Variants in GTF2H1 observed in about 807,000 individuals in gnomAD.
The protein encoded by GTF2H1 is general transcription factor IIH subunit 1.
GTF2H1 carries 16 observed loss-of-function variants against 71.2 expected under a neutral mutation model. The ratio of observed to expected loss-of-function variants is 0.22; its 90% CI spans 0.15 to 0.34. The LOEUF (loss-of-function observed/expected upper bound fraction) is 0.34, where lower values mean the gene tolerates loss of function less well. GTF2H1 is among the 10% of genes least tolerant of loss of function. The probability of loss-of-function intolerance (pLI) is 1.00; values close to 1 mark genes in which losing one functional copy is unlikely to be tolerated. For synonymous variants in GTF2H1, 215 were observed against 219.0 expected (o/e 0.98, Z 0.16); for missense variants, 498 against 648.2 (o/e 0.77, Z 2.52).
Position 18,335,810 on chromosome 11 carries a change from G to T in GTF2H1, c.211G>T (p.Ala71Ser). The change falls in exon 3 of 15, where the codon GCA (alanine) becomes TCA (serine). Residue 71 changes from alanine to serine, a missense_variant. Transcript: ENST00000265963. ...AATTCAGCTTCAGCTGGTCCTACAT[G>T]CAGGGGACACAACTAACTTCCATTT... ...AKIQLQLVLH[A>S]GDTTNFHFSN... The T allele has an allele frequency of 6.2e-7, 1 of 1,614,056 alleles. No homozygotes were observed. Among genetic ancestry groups the T allele is most frequent in the Non-Finnish European group, 8.5e-7 (1 of 1,179,918 alleles).
rs374491687 is a variant in GTF2H1 at position 18,325,901 on chromosome 11, T to C, written c.-16+3161T>C. ...TCTTCATTGACCTGATCTGTTTAAA[T>C]GTAGCCTACACCAATAACTTTCATA... On this transcript the variant is annotated intron_variant, in intron 1 of 14. Coordinates refer to ENST00000265963, the MANE Select transcript of GTF2H1 (RefSeq NM_005316.4). 14 of 152,362 alleles carry C rather than the reference T, an allele frequency of 9.2e-5. No homozygotes were observed. In the East Asian group the frequency reaches 1.3e-3, roughly 15 times the overall value. 9.4% of individuals were successfully genotyped at this position (152,362 alleles called of 1,614,324 possible).
chr11:18,352,306 ATTTC>A lies in GTF2H1; in HGVS notation c.1143-20_1143-17del. 9.7e-7 allele frequency: 1 copy of A among 1,030,008 alleles called. No individual in the cohort carries two copies. The highest frequency in any genetic ancestry group is 1.5e-6 in the Non-Finnish European group (1 of 656,248). The allele number at this position is 1,030,008 out of a possible 1,614,324, so 63.8% of individuals were successfully genotyped here. Reference sequence around the variant, plus strand: ...GCATCTTTACTGTGTGTGATTAGTAATTTCTTCTGTGCTAACCTGCAGGTATTAT... The same window carrying A: ...GCATCTTTACTGTGTGTGATTAGTAATTCTGTGCTAACCTGCAGGTATTAT... On this transcript the variant is annotated intron_variant, in intron 10 of 14. Transcript: ENST00000265963.
At chr11:18,361,849 G>A (rs1045290463) in intron 14 of GTF2H1, among the ~76,000 whole-genome samples, 1 of 152,230 alleles carries the variant, frequency 6.6e-6, no homozygotes, top group Non-Finnish European at 1.5e-5. Context: ...ATTGTTTACA[G>A]TGGGGAAAGT....
intron 2 of GTF2H1, chr11:18,333,591 G>C (rs1442983032): frequency 6.2e-6 from 1 of 160,122 alleles, no homozygotes; most frequent in Non-Finnish European, 1.4e-5. Context: ...ATCATTTCAA[G>C]GTTGTATGTG....
chr11:18,343,343 T>A (rs952864762), intron 7 of GTF2H1, among the ~76,000 whole-genome samples: 10 of 152,254 alleles, frequency 6.6e-5, no homozygotes, highest in African/African-American at 2.4e-4. Flanking sequence ...ATAGGCATTA[T>A]TGTTGTTATC....
At chr11:18,338,001 A>G in intron 3 of GTF2H1, 108 bp from the exon 4 acceptor site, 1 of 692,932 alleles carries the variant, frequency 1.4e-6, no homozygotes. Context: ...ATCACAAAAT[A>G]AAAGTTGTGT....
chr11:18,356,208 T>C (rs528230072), intron 11 of GTF2H1, among the ~76,000 whole-genome samples: 19 of 151,996 alleles, frequency 1.3e-4, no homozygotes, highest in African/African-American at 4.6e-4. Context: ...CAAAACCCCG[T>C]CTCTACCAAA....
At position 18,358,560 on chromosome 11, in the gene GTF2H1, C is replaced by G. The variant is rs1200999263; in HGVS notation, c.1387C>G (p.His463Asp). ...VPNDIQSELK[H>D]LYVAVGELLR... Reference sequence around the variant, plus strand: ...AAATGATATTCAATCTGAATTGAAACACTTATATGTAGCTGTTGGAGAACT... The same window carrying G: ...AAATGATATTCAATCTGAATTGAAAGACTTATATGTAGCTGTTGGAGAACT... Residue 463 changes from histidine (H) to aspartate (D), a missense_variant, in exon 13 of 15, where the codon CAC becomes GAC. His to Asp is a moderately conservative substitution (Grantham distance 81, BLOSUM62 -1). This residue lies in a region of GTF2H1 where 266 missense variants were observed against 301.6 expected (regional missense o/e 0.88). Transcript: ENST00000265963. 1 of 1,611,152 alleles carries G rather than the reference C, an allele frequency of 6.2e-7. No individual in the cohort carries two copies. The highest frequency in any genetic ancestry group is 8.5e-7 in the Non-Finnish European group (1 of 1,177,520).
At chr11:18,365,502 C>G (rs192320634) in intron 14 of GTF2H1, among the ~76,000 whole-genome samples, 1 of 152,172 alleles carries the variant, frequency 6.6e-6, no homozygotes, top group African/African-American at 2.4e-5. Context: ...GGAATTGAGG[C>G]CTGGAGCACA....
chr11:18,341,232 A>G, intron 5 of GTF2H1, 29 bp from the exon 6 acceptor site: 2 of 1,580,530 alleles, frequency 1.3e-6, no homozygotes, highest in Non-Finnish European at 8.6e-7. Context: ...GAAATTCAGT[A>G]TATAATATTT....
intron 2 of GTF2H1, among the ~76,000 whole-genome samples, chr11:18,334,068 C>A (rs1398013683): frequency 6.6e-6 from 1 of 152,116 alleles, no homozygotes; most frequent in African/African-American, 2.4e-5. Context: ...ATGGTGGAAC[C>A]CCATTTCTAC....
intron 2 of GTF2H1, 35 bp from the exon 3 acceptor site, chr11:18,335,719 T>C: frequency 6.8e-7 from 1 of 1,469,456 alleles, no homozygotes; most frequent in Non-Finnish European, 9.5e-7. Flanking sequence ...ACAGTGTGAG[T>C]GTCATCATCT....
chr11:18,345,173 A>C (rs1865260076), intron 7 of GTF2H1, among the ~76,000 whole-genome samples: 1 of 152,148 alleles, frequency 6.6e-6, no homozygotes, highest in African/African-American at 2.4e-5. Flanking sequence ...CCTGGGCAAC[A>C]GAGCGAGAAC....
At chr11:18,357,420 A>G (rs1415947718) in intron 11 of GTF2H1, among the ~76,000 whole-genome samples, 1 of 152,056 alleles carries the variant, frequency 6.6e-6, no homozygotes, top group Non-Finnish European at 1.5e-5. Context: ...TATCAAGGGT[A>G]TATGTTAGCA....
chr11:18,336,419 C>G (rs182769482), intron 3 of GTF2H1, among the ~76,000 whole-genome samples: 1 of 152,080 alleles, frequency 6.6e-6, no homozygotes, highest in Non-Finnish European at 1.5e-5. Flanking sequence ...TGAGCCACCA[C>G]GCCCGGCCAC....
In GTF2H1 at chr11:18,365,770, C is replaced by T; in HGVS notation, c.1561-13C>T. 1 of 1,592,324 alleles carries T rather than the reference C, an allele frequency of 6.3e-7. No homozygotes were observed. Among genetic ancestry groups the T allele is most frequent in the Non-Finnish European group, 8.6e-7 (1 of 1,160,218 alleles). On this transcript the variant is annotated splice_polypyrimidine_tract_variant and intron_variant, in intron 14 of 14. Coordinates refer to ENST00000265963, the MANE Select transcript of GTF2H1 (RefSeq NM_005316.4). ...TTTTGCCCAGTTGTTAAGTGTCTTG[C>T]TGTGTTTTTCAGTTGGTAAGTCACA... is the stretch of plus-strand genomic sequence containing the variant.
At chr11:18,340,317 T>G (rs1434695975) in intron 5 of GTF2H1, among the ~76,000 whole-genome samples, 1 of 152,018 alleles carries the variant, frequency 6.6e-6, no homozygotes, top group Non-Finnish European at 1.5e-5. Flanking sequence ...AGACAGAGTC[T>G]TGCTCTGTCA....
At chr11:18,362,068 T>A (rs1313777892) in intron 14 of GTF2H1, among the ~76,000 whole-genome samples, 2 of 152,260 alleles carry the variant, frequency 1.3e-5, no homozygotes, top group African/African-American at 2.4e-5. Context: ...TTTTGTTGTA[T>A]GAACCTCACA....
chr11:18,335,730 A>C (rs754138435), intron 2 of GTF2H1, 24 bp from the exon 3 acceptor site: 1 of 1,575,860 alleles, frequency 6.3e-7, no homozygotes. Flanking sequence ...GTCATCATCT[A>C]ACTGCCCTCA....
Sources: allele counts gnomAD v4.1 joint callset (sites outside exome capture counted in the v4.1 genomes callset), GRCh38; gene constraint gnomAD v4.1.1; regional missense constraint gnomAD v4.1.1; transcripts MANE v1.5; gene names NCBI Gene and HGNC (gene_info 2026-07-23, HGNC 2026-07-21).